Variants in C1QTNF7 observed in about 807,000 individuals in gnomAD.
C1QTNF7 encodes the protein C1q and TNF related 7, also known as complement C1q tumor necrosis factor-related protein 7.
A neutral mutation model predicts 19.6 loss-of-function variants in C1QTNF7; 15 were observed. That is an observed-to-expected ratio of 0.76 (90% CI 0.51 to 1.18). The LOEUF (loss-of-function observed/expected upper bound fraction) is 1.18. Among genes scored for constraint, C1QTNF7 ranks in the 50% most tolerant of loss-of-function variants. C1QTNF7 has a pLI of 0.00. For missense variants in C1QTNF7, 324 were observed against 359.7 expected (o/e 0.90, Z 0.80); for synonymous variants, 142 against 137.5 (o/e 1.03, Z -0.23).
chr4:15,360,788 T>C (rs1311564811), intron 1 of C1QTNF7, among the ~76,000 whole-genome samples: 14 of 152,162 alleles, frequency 9.2e-5, no homozygotes, highest in Admixed American at 9.2e-4. Context: ...TGCAAATAAA[T>C]TTTAGCAAGT....
At chr4:15,409,118 A>G (rs562583962) in intron 1 of C1QTNF7, among the ~76,000 whole-genome samples, 223 of 152,308 alleles carry the variant, frequency 1.5e-3, no homozygotes, top group Non-Finnish European at 2.7e-3. Flanking sequence ...TCTCCAACTA[A>G]AATAACCACT....
In C1QTNF7 at chr4:15,443,700, G is replaced by T. The variant is rs1385158960; in HGVS notation, c.*901G>T. 6.6e-6 allele frequency: 1 copy of T among 152,126 alleles called. No individual in the cohort carries two copies. The highest frequency in any genetic ancestry group is 6.5e-5 in the Admixed American group (1 of 15,268). 9.4% of individuals were successfully genotyped at this position (152,126 alleles called of 1,614,324 possible). The stretch of plus-strand genomic sequence containing the variant: ...CTAGAGACAGAGGAGGCCTGGCAGG[G>T]GTGATAAAAATGGAGATTGAAATGA... On this transcript the variant is annotated 3_prime_UTR_variant, in exon 3 of 3. Coordinates refer to ENST00000444304, the MANE Select transcript of C1QTNF7 (RefSeq NM_031911.5).
intron 1 of C1QTNF7, among the ~76,000 whole-genome samples, chr4:15,343,186 C>G (rs1377935047): frequency 2.0e-5 from 3 of 152,208 alleles, no homozygotes; most frequent in Non-Finnish European, 4.4e-5. Flanking sequence ...TAATTAAAAT[C>G]TAATGTTTTC....
chr4:15,431,888 A>C (rs1712327799), intron 1 of C1QTNF7, among the ~76,000 whole-genome samples: 1 of 152,190 alleles, frequency 6.6e-6, no homozygotes, highest in South Asian at 2.1e-4. Context: ...AAGTACAATA[A>C]AGAATAGAAA....
At chr4:15,342,691 G>T (rs1280294572) in intron 1 of C1QTNF7, among the ~76,000 whole-genome samples, 1 of 152,216 alleles carries the variant, frequency 6.6e-6, no homozygotes, top group African/African-American at 2.4e-5. Flanking sequence ...GCATGGATGA[G>T]CCCATAAGAC....
At chr4:15,400,879 T>C (rs1203512270) in intron 1 of C1QTNF7, among the ~76,000 whole-genome samples, 1 of 152,166 alleles carries the variant, frequency 6.6e-6, no homozygotes, top group Non-Finnish European at 1.5e-5. Flanking sequence ...CCAGCCACCA[T>C]CACCATTTCC....
At chr4:15,398,873 C>T (rs1274578579) in intron 1 of C1QTNF7, among the ~76,000 whole-genome samples, 1 of 152,152 alleles carries the variant, frequency 6.6e-6, no homozygotes, top group Non-Finnish European at 1.5e-5. Flanking sequence ...TGCATGACTC[C>T]ACCTTTTGAC....
chr4:15,438,049 A>C (rs914811705), intron 2 of C1QTNF7, among the ~76,000 whole-genome samples: 7 of 152,214 alleles, frequency 4.6e-5, no homozygotes, highest in African/African-American at 1.7e-4. Flanking sequence ...ATACATCATC[A>C]TAATAACCAC....
At chr4:15,369,931 T>C (rs1205492382) in intron 1 of C1QTNF7, among the ~76,000 whole-genome samples, 1 of 152,140 alleles carries the variant, frequency 6.6e-6, no homozygotes, top group Non-Finnish European at 1.5e-5. Flanking sequence ...GACAAGAAAT[T>C]AAAGTCTTAA....
chr4:15,382,454 C>G (rs575292436), intron 1 of C1QTNF7, among the ~76,000 whole-genome samples: 1 of 152,104 alleles, frequency 6.6e-6, no homozygotes, highest in Non-Finnish European at 1.5e-5. Context: ...GGTTCTTGTT[C>G]ACGAATGAAT....
intron 1 of C1QTNF7, among the ~76,000 whole-genome samples, chr4:15,356,435 T>A (rs1254822615): frequency 6.6e-6 from 1 of 152,222 alleles, no homozygotes; most frequent in Non-Finnish European, 1.5e-5. Flanking sequence ...GAACTCACCC[T>A]TTTTTATGGC....
chr4:15,346,254 A>C (rs1716715139), intron 1 of C1QTNF7, among the ~76,000 whole-genome samples: 1 of 152,190 alleles, frequency 6.6e-6, no homozygotes, highest in Non-Finnish European at 1.5e-5. Context: ...GGGTTAGAAG[A>C]CAGCTCAAAC....
chr4:15,419,982 T>G (rs956383973), intron 1 of C1QTNF7: 1 of 152,224 alleles, frequency 6.6e-6, no homozygotes, highest in African/African-American at 2.4e-5. Context: ...TTTCTCCAGA[T>G]AGCAGTCCAA....
chr4:15,390,895 G>GA lies in C1QTNF7; in HGVS notation c.14-44832dup, dbSNP rs149031471. ...CAGTGCCAGCTTGCTCATGAAAACA[G>GA]AAAAAAAAATAATTAGCCATAGTTC... On this transcript the variant is annotated intron_variant, in intron 1 of 2. Coordinates refer to the C1QTNF7 transcript ENST00000295297. Among the ~76,000 whole-genome samples the GA allele has an allele frequency of 9.3e-5, 14 of 150,900 alleles. No homozygotes were observed. In the South Asian group the frequency reaches 2.7e-3, roughly 29 times the overall value.
Position 15,350,599 on chromosome 4 carries a change from C to T in C1QTNF7, c.13+10392C>T, listed in dbSNP as rs887860231. 8.5e-5 allele frequency among the ~76,000 whole-genome samples: 13 copies of T among 152,256 alleles called. 1 individual carries two copies. In the South Asian group the frequency reaches 2.5e-3, roughly 29 times the overall value. On this transcript the variant is annotated intron_variant, in intron 1 of 2. Transcript: ENST00000295297. ...CTGCTGAACATAGAAATTTAACCATCACCACAAATTCTCTATTTTGTTTTG... is the reference window on the plus strand; with the variant it reads ...CTGCTGAACATAGAAATTTAACCATTACCACAAATTCTCTATTTTGTTTTG...
At chr4:15,408,301 TTGTATGTATATACAGATAAGTA>T (rs1719272048) in intron 1 of C1QTNF7, among the ~76,000 whole-genome samples, 1 of 150,714 alleles carries the variant, frequency 6.6e-6, no homozygotes. Flanking sequence ...AAAAAAAAGT[TTGTATGTATATACAGATAAGTA>T]TGTATATATA....
rs1712815284 is a variant in C1QTNF7, at chr4:15,442,470, GC to G, written c.543del (p.Thr182GlnfsTer37). The G allele has an allele frequency of 6.2e-7, 1 of 1,614,058 alleles. No individual in the cohort carries two copies. Among genetic ancestry groups the G allele is most frequent in the Non-Finnish European group, 8.5e-7 (1 of 1,180,026 alleles). On this transcript the variant is annotated frameshift_variant, in exon 3 of 3. Coordinates refer to ENST00000444304, the MANE Select transcript of C1QTNF7 (RefSeq NM_031911.5). LOFTEE classifies it high-confidence loss of function. ...CAACGAGGGAGAGCACTACAACCCT[GC>G]CACAGGGAAGTTCATCTGTGCTTTC... ...LFNEGEHYNP[A>X]TGKFICAFPG... is the part of the protein sequence containing the mutation.
intron 1 of C1QTNF7, among the ~76,000 whole-genome samples, chr4:15,367,972 C>A (rs187437727): frequency 6.6e-6 from 1 of 152,268 alleles, no homozygotes; most frequent in East Asian, 1.9e-4. Context: ...TTTGTACACA[C>A]CCATGAAGTC....
intron 1 of C1QTNF7, among the ~76,000 whole-genome samples, chr4:15,416,751 C>A (rs1175630092): frequency 1.3e-5 from 2 of 152,198 alleles, no homozygotes; most frequent in African/African-American, 2.4e-5. Context: ...TGTTAGATCT[C>A]AGGTTAGCAT....
Sources: gnomAD v4.1 joint callset for allele counts (sites outside exome capture counted in the v4.1 genomes callset) on GRCh38, gnomAD v4.1.1 for gene constraint, MANE v1.5 for transcripts, NCBI Gene and HGNC (gene_info 2026-07-23, HGNC 2026-07-21) for gene names.